Variants in COLEC11 observed in about 807,000 individuals in gnomAD.
COLEC11 encodes the protein collectin subfamily member 11.
A neutral mutation model predicts 27.3 loss-of-function variants in COLEC11; 20 were observed. The observed-to-expected ratio is 0.73, with a 90% CI of 0.51 to 1.06. The LOEUF (loss-of-function observed/expected upper bound fraction) is 1.06. Ranked by LOEUF, COLEC11 falls within the 50% of genes least tolerant of loss-of-function variation. The pLI is 0.00. For missense variants in COLEC11, 310 were observed against 383.0 expected (o/e 0.81, Z 1.59); for synonymous variants, 163 against 154.7 (o/e 1.05, Z -0.40).
chr2:3,637,315 G>A (rs1435995774), intron 3 of COLEC11, among the ~76,000 whole-genome samples: 3 of 152,190 alleles, frequency 2.0e-5, no homozygotes, highest in African/African-American at 7.2e-5. Flanking sequence ...GACTTCTGGG[G>A]GAAGTGCATC....
At chr2:3,636,541 A>G (rs1394101475) in intron 3 of COLEC11, among the ~76,000 whole-genome samples, 2 of 152,232 alleles carry the variant, frequency 1.3e-5, no homozygotes, top group Admixed American at 6.5e-5. Flanking sequence ...TAGTTCCTGC[A>G]ATGGTGGGTT....
chr2:3,602,561 C>T lies in COLEC11; in HGVS notation c.-26-1754C>T, dbSNP rs1043883100. On this transcript the variant is annotated intron_variant, in intron 1 of 6. Transcript: ENST00000349077. This position sits in a 1 kb window ranked among gnomAD's most constrained non-coding sequence, Gnocchi z 6.2. ...GTGGGGTCCAGCTGCCATCCTCGCC[C>T]GCTGTGCTGTTGTGGTCACCCTGGC... is the stretch of plus-strand genomic sequence containing the variant. Among the ~76,000 whole-genome samples the T allele has an allele frequency of 5.9e-5, 9 of 152,318 alleles. No homozygotes were observed. The highest frequency in any genetic ancestry group is 2.0e-4 in the Admixed American group (3 of 15,306).
chr2:3,605,217 T>C (rs1054056287), intron 2 of COLEC11: 1 of 421,006 alleles, frequency 2.4e-6, no homozygotes, highest in Non-Finnish European at 4.9e-6. Context: ...GCAGAGTGTG[T>C]GCCAGTGTCG....
intron 4 of COLEC11, among the ~76,000 whole-genome samples, chr2:3,638,078 T>C (rs1665561978): frequency 1.3e-5 from 2 of 152,214 alleles, no homozygotes; most frequent in South Asian, 4.1e-4. Flanking sequence ...GCAGCAACTA[T>C]GGTGCCAGCA....
Position 3,637,565 on chromosome 2 carries a change from G to A in COLEC11, c.235G>A (p.Val79Met). 1 of 1,614,168 alleles carries A rather than the reference G, an allele frequency of 6.2e-7. No homozygotes were observed. Among genetic ancestry groups the A allele is most frequent in the Admixed American group, 1.7e-5 (1 of 60,028 alleles). Reference sequence around the variant, plus strand: ...GGGGGACAAAGGACAGAAAGGCAGTGTGGGTCGTCATGGAAAAATTGGTCC... The same window carrying A: ...GGGGGACAAAGGACAGAAAGGCAGTATGGGTCGTCATGGAAAAATTGGTCC... The part of the protein sequence containing the change: ...DMGDKGQKGS[V>M]GRHGKIGPIG... Residue 79 changes from valine (V) to methionine (M), a missense_variant, in exon 4 of 7, where the codon GTG becomes ATG. Transcript: ENST00000349077.
chr2:3,637,394 A>G, intron 3 of COLEC11, 139 bp from the exon 4 acceptor site: 1 of 728,978 alleles, frequency 1.4e-6, no homozygotes, highest in Non-Finnish European at 2.5e-6. Context: ...GAAGAGATGT[A>G]GAGCTGTCTT....
intron 2 of COLEC11, among the ~76,000 whole-genome samples, chr2:3,612,222 GCA>G (rs1232245933): frequency 8.7e-6 from 1 of 114,382 alleles, no homozygotes; most frequent in Non-Finnish European, 2.0e-5. Flanking sequence ...GCGGACACAC[GCA>G]CACACATGCA....
intron 3 of COLEC11, among the ~76,000 whole-genome samples, chr2:3,618,428 A>T (rs1351024791): frequency 6.6e-6 from 1 of 152,210 alleles, no homozygotes; most frequent in East Asian, 1.9e-4. Context: ...AGTTTTCCCA[A>T]TAGCATTGTG....
At chr2:3,617,537 C>T (rs1216690239) in intron 3 of COLEC11, 110 of 1,556,654 alleles carry the variant, frequency 7.1e-5, no homozygotes, top group African/African-American at 1.1e-4. Flanking sequence ...ATATTGGCGG[C>T]GCACGCCTCA....
intron 2 of COLEC11, among the ~76,000 whole-genome samples, chr2:3,609,182 G>C (rs1662975221): frequency 6.6e-6 from 1 of 152,188 alleles, no homozygotes; most frequent in Non-Finnish European, 1.5e-5. Flanking sequence ...GAGATATAAA[G>C]AAAACGTGTG....
At chr2:3,624,891 A>T (rs1664424815) in intron 3 of COLEC11, among the ~76,000 whole-genome samples, 1 of 152,134 alleles carries the variant, frequency 6.6e-6, no homozygotes, top group African/African-American at 2.4e-5. Context: ...TAGATTATAC[A>T]TTCCTCAAGG....
At chr2:3,625,802 T>C (rs571865250) in intron 3 of COLEC11, among the ~76,000 whole-genome samples, 33 of 152,036 alleles carry the variant, frequency 2.2e-4, no homozygotes, top group African/African-American at 7.7e-4. Flanking sequence ...CCGGCTAATT[T>C]TTGTATTTTT....
At chr2:3,631,513 C>T (rs1396868919) in intron 3 of COLEC11, among the ~76,000 whole-genome samples, 1 of 152,154 alleles carries the variant, frequency 6.6e-6, no homozygotes, top group African/African-American at 2.4e-5. Context: ...CCAAAGGCCT[C>T]CCTGCAAGGC....
intron 5 of COLEC11, among the ~76,000 whole-genome samples, 158 bp from the exon 6 acceptor site, chr2:3,643,285 CT>C (rs1666004543): frequency 6.6e-6 from 1 of 152,256 alleles, no homozygotes; most frequent in Admixed American, 6.5e-5. Flanking sequence ...CCTGCTCCCC[CT>C]GCCTTTAGGA....
chr2:3,642,895 T>C (rs1665977255), intron 5 of COLEC11, among the ~76,000 whole-genome samples: 1 of 152,210 alleles, frequency 6.6e-6, no homozygotes, highest in African/African-American at 2.4e-5. Flanking sequence ...GTGCCCACGA[T>C]GCCCAGCTCT....
At chr2:3,609,342 T>TTTTGC (rs1662994127) in intron 2 of COLEC11, among the ~76,000 whole-genome samples, 1 of 75,186 alleles carries the variant, frequency 1.3e-5, no homozygotes, top group Non-Finnish European at 2.5e-5. Context: ...CTATGAACTA[T>TTTTGC]TTTTCTTTGA....
In COLEC11 at chr2:3,643,932, G is replaced by C; in HGVS notation, c.630G>C (p.Lys210Asn). ...TCATCGGCATCAACGACCTGGAGAA[G>C]GAGGGCGCCTTCGTGTACTCTGACC... ...RVFIGINDLEKEGAFVYSDHS... is the reference protein window; with the variant it reads ...RVFIGINDLENEGAFVYSDHS... The change falls in exon 7 of 7, where the codon AAG becomes AAC. Residue 210 changes from lysine to asparagine, a missense_variant. Lys to Asn is a moderately conservative substitution (Grantham distance 94). Coordinates refer to ENST00000349077, the MANE Select transcript of COLEC11 (RefSeq NM_024027.5). The C allele has an allele frequency of 6.2e-7, 1 of 1,614,178 alleles. No individual in the cohort carries two copies. Among genetic ancestry groups the C allele is most frequent in the Non-Finnish European group, 8.5e-7 (1 of 1,180,058 alleles).
In COLEC11 at chr2:3,600,960, G is replaced by A. The variant is rs146204249; in HGVS notation, c.-26-3355G>A. ...CCCCGTGATGGCTGTGTCACTGCAC[G>A]GGGCGGGCTCCCATCCACGCCCCTT... On this transcript the variant is annotated intron_variant, in intron 1 of 6. Transcript: ENST00000349077. Among the ~76,000 whole-genome samples the A allele has an allele frequency of 8.4e-3, 1,282 of 152,312 alleles. 16 individuals carry two copies. Among genetic ancestry groups the A allele is most frequent in the African/African-American group, 0.029 (1,205 of 41,558 alleles).
Position 3,608,216 on chromosome 2 carries a change from A to G in COLEC11, c.130+3746A>G, listed in dbSNP as rs554266971. Among the ~76,000 whole-genome samples the G allele has an allele frequency of 2.0e-5, 3 of 152,362 alleles. No individual in the cohort carries two copies. In the East Asian group the frequency reaches 5.8e-4, roughly 29 times the overall value. Reference sequence around the variant, plus strand: ...TGATTTGCAGGGAAGCCAAGCAAACAGTAAATGTCAGCCACGTTTTGTTTC... The same window carrying G: ...TGATTTGCAGGGAAGCCAAGCAAACGGTAAATGTCAGCCACGTTTTGTTTC... On this transcript the variant is annotated intron_variant, in intron 2 of 6. Coordinates refer to ENST00000349077, the MANE Select transcript of COLEC11 (RefSeq NM_024027.5).
Sources: allele counts gnomAD v4.1 joint callset (sites outside exome capture counted in the v4.1 genomes callset), GRCh38; gene constraint gnomAD v4.1.1; non-coding constraint Gnocchi (gnomAD v3.1); transcripts MANE v1.5; gene names NCBI Gene and HGNC (gene_info 2026-07-23, HGNC 2026-07-21).